WNK4: variants seen among roughly 807,000 people sequenced by gnomAD.
WNK4 encodes serine/threonine-protein kinase WNK4.
Under a neutral mutation model 116.2 loss-of-function variants are expected in WNK4, and 94 were observed. The observed-to-expected ratio is 0.81, with a 90% CI of 0.68 to 0.96. The LOEUF (loss-of-function observed/expected upper bound fraction) is 0.96. Ranked by LOEUF, WNK4 falls within the 40% of genes least tolerant of loss-of-function variation. WNK4 has a pLI of 0.00. For synonymous variants in WNK4, 655 were observed against 672.7 expected, an observed-to-expected ratio of 0.97 and a Z score of 0.41; for missense variants, 1,542 against 1,650.6, an observed-to-expected ratio of 0.93 and a Z score of 1.14.
At chr17:42,788,098 C>T (rs1168703228) in intron 8 of WNK4, 32 bp from the exon 9 acceptor site, 2 of 1,613,288 alleles carry the variant, frequency 1.2e-6, no homozygotes, top group Non-Finnish European at 1.7e-6. Flanking sequence ...AGTTATCTTC[C>T]CCTGACCTCA....
In WNK4 at chr17:42,795,931, G is replaced by A. The variant is rs2054665114; in HGVS notation, c.3329G>A (p.Trp1110Ter). The change falls in exon 16 of 19, where the codon TGG becomes TAG. Residue 1110 changes from tryptophan (W) to a stop codon, truncating the protein, a stop_gained. Transcript: ENST00000246914. LOFTEE classifies it high-confidence loss of function. ...CCCCTGAGCCATCCCAGCCCAGTGTGGATGAACTACTCCTACAGCAGCCTG... is the reference window on the plus strand; with the variant it reads ...CCCCTGAGCCATCCCAGCCCAGTGTAGATGAACTACTCCTACAGCAGCCTG... ...PQPLSHPSPV[W>*]MNYSYSSLCL... 6.2e-7 allele frequency: 1 copy of A among 1,612,708 alleles called. No individual in the cohort carries two copies. Among genetic ancestry groups the A allele is most frequent in the African/African-American group, 1.3e-5 (1 of 75,034 alleles).
Position 42,785,346 on chromosome 17 carries a change from ACGGCGAGAAGC to A in WNK4, c.1344_1354del (p.Glu449ProfsTer48), listed in dbSNP as rs1167859193. ...CACGTGGAACTAGCGGAGGAGGACG[ACGGCGAGAAGC>A]CGGGCCTCAAGCTCTGGCTGCGCAT... On this transcript the variant is annotated frameshift_variant, in exon 6 of 19. Coordinates refer to ENST00000246914, the MANE Select transcript of WNK4 (RefSeq NM_032387.5). LOFTEE classifies it high-confidence loss of function. 1 of 1,610,882 alleles carries A rather than the reference ACGGCGAGAAGC, an allele frequency of 6.2e-7. No individual in the cohort carries two copies. Among genetic ancestry groups the A allele is most frequent in the African/African-American group, 1.3e-5 (1 of 74,886 alleles).
At position 42,796,766 on chromosome 17, in the gene WNK4, T is replaced by G; in HGVS notation, c.*78T>G. On this transcript the variant is annotated 3_prime_UTR_variant, in exon 19 of 19. Transcript: ENST00000246914. ...TGTGTTCTCAGAATCTGATGCTTTC[T>G]GATCAACAAAACTGAGCAAGGAAGA... 1 of 1,614,146 alleles carries G rather than the reference T, an allele frequency of 6.2e-7. No homozygotes were observed.
In WNK4 at chr17:42,796,667, CT is replaced by C; in HGVS notation, c.3730-14del. On this transcript the variant is annotated intron_variant, in intron 18 of 18. Coordinates refer to ENST00000246914, the MANE Select transcript of WNK4 (RefSeq NM_032387.5). Reference sequence around the variant, plus strand: ...TCCCACCTTGGAGGTTTCTTCATCACTTTTTCTTTTCCCTCCAGTGAATTCA... The same window carrying C: ...TCCCACCTTGGAGGTTTCTTCATCACTTTTCTTTTCCCTCCAGTGAATTCA... The C allele has an allele frequency of 6.2e-7, 1 of 1,614,146 alleles. No individual in the cohort carries two copies. The highest frequency in any genetic ancestry group is 8.5e-7 in the Non-Finnish European group (1 of 1,179,992).
Position 42,782,456 on chromosome 17 carries a change from G to C in WNK4, c.619-302G>C, listed in dbSNP as rs2054494963. 6.6e-6 allele frequency among the ~76,000 whole-genome samples: 1 copy of C among 152,208 alleles called. No homozygotes were observed. Among genetic ancestry groups the C allele is most frequent in the Admixed American group, 6.5e-5 (1 of 15,286 alleles). ...CCCCCTCCCGCCCCATGGCCGGCCT[G>C]GGCAGCCACAAAGGCACTATTGAGC... On this transcript the variant is annotated intron_variant, in intron 1 of 18. Coordinates refer to ENST00000246914, the MANE Select transcript of WNK4 (RefSeq NM_032387.5). This position sits in a 1 kb window ranked among gnomAD's most constrained non-coding sequence, Gnocchi z 4.2.
At chr17:42,793,854 C>T (rs773644104) in intron 12 of WNK4, 125 bp downstream of exon 12, 43 of 1,161,106 alleles carry the variant, frequency 3.7e-5, no homozygotes, top group African/African-American at 4.8e-5. Context: ...AAAACAGTGG[C>T]GCTTTTTTTT....
intron 2 of WNK4, 96 bp downstream of exon 2, chr17:42,783,026 G>T: frequency 6.7e-7 from 1 of 1,501,034 alleles, no homozygotes; most frequent in Non-Finnish European, 9.0e-7. Flanking sequence ...CTAATATCCA[G>T]GTGTAAAACC....
At chr17:42,789,705 T>C (rs186194309) in intron 11 of WNK4, among the ~76,000 whole-genome samples, 24 of 145,032 alleles carry the variant, frequency 1.7e-4, no homozygotes, top group African/African-American at 6.3e-4. Flanking sequence ...AATAAATAAA[T>C]AAATAGAGAG....
intron 11 of WNK4, among the ~76,000 whole-genome samples, chr17:42,789,523 G>C (rs888322602): frequency 6.6e-6 from 1 of 152,008 alleles, no homozygotes; most frequent in Non-Finnish European, 1.5e-5. Context: ...AATTAGCTGG[G>C]TGTGGTGGCG....
Position 42,782,808 on chromosome 17 carries a change from G to A in WNK4, c.669G>A (p.Glu223=). The change falls in exon 2 of 19, where the codon GAG becomes GAA. Residue 223 remains glutamate, a synonymous_variant. Transcript: ENST00000246914. This position sits in a 1 kb window ranked among gnomAD's most constrained non-coding sequence, Gnocchi z 4.2. ...AERQRFSEEV[E]MLKGLQHPNI... ...GGCAGCGCTTCTCAGAGGAGGTGGA[G>A]ATGCTCAAGGGGCTGCAGCACCCCA... is the stretch of plus-strand genomic sequence containing the variant. 2 of 1,614,208 alleles carry A rather than the reference G, an allele frequency of 1.2e-6. No individual in the cohort carries two copies. Among genetic ancestry groups the A allele is most frequent in the East Asian group, 2.2e-5 (1 of 44,884 alleles).
Position 42,793,692 on chromosome 17 carries a change from G to A in WNK4, c.2258G>A (p.Gly753Asp). 5 of 1,614,078 alleles carry A rather than the reference G, an allele frequency of 3.1e-6. No individual in the cohort carries two copies. Among genetic ancestry groups the A allele is most frequent in the Non-Finnish European group, 4.2e-6 (5 of 1,179,990 alleles). Residue 753 changes from glycine (G) to aspartate (D), a missense_variant, in exon 12 of 19, where the codon GGC becomes GAC. Physicochemically the swap from Gly to Asp is moderately conservative, Grantham distance 94. This residue lies in a region of WNK4 where 808 missense variants were observed against 873.6 expected (regional missense o/e 0.92). Transcript: ENST00000246914. Reference protein sequence around the residue: ...RVETLLKRDTGPMEAAEDTLS... With the variant: ...RVETLLKRDTDPMEAAEDTLS... ...GAGACCCTGTTGAAGAGAGACACTG[G>A]CCCCATGGAGGCTGCTGAAGACACC... is the stretch of plus-strand genomic sequence containing the variant.
Position 42,781,004 on chromosome 17 carries a change from CAAAGA to C in WNK4, c.308_312del (p.Lys103ThrfsTer40). The C allele has an allele frequency of 6.2e-7, 1 of 1,610,346 alleles. No individual in the cohort carries two copies. Among genetic ancestry groups the C allele is most frequent in the Non-Finnish European group, 8.5e-7 (1 of 1,179,224 alleles). ...CCGCGAGGAGCCCACCGCCTAGCTC[CAAAGA>C]ACCCCCCGAGGGCACGTGGACCGAG... On this transcript the variant is annotated frameshift_variant, in exon 1 of 19. Transcript: ENST00000246914. LOFTEE classifies it high-confidence loss of function.
At position 42,784,553 on chromosome 17, in the gene WNK4, G is replaced by A. The variant is rs1256967515; in HGVS notation, c.1144G>A (p.Ala382Thr). 1.2e-6 allele frequency: 2 copies of A among 1,614,160 alleles called. No individual in the cohort carries two copies. The highest frequency in any genetic ancestry group is 2.2e-5 in the East Asian group (1 of 44,880). The change falls in exon 4 of 19, where the codon GCG becomes ACG. Residue 382 changes from alanine to threonine, a missense_variant. Physicochemically the swap from Ala to Thr is moderately conservative, Grantham distance 58 (BLOSUM62 0). This residue lies in a region of WNK4 where 808 missense variants were observed against 873.6 expected (regional missense o/e 0.92). Coordinates refer to ENST00000246914, the MANE Select transcript of WNK4 (RefSeq NM_032387.5). The surrounding 1 kb of genome is among the most constrained non-coding windows in gnomAD (Gnocchi z 4.4). ...EYPYSECQNA[A>T]QIYRKVTSGR... is the part of the protein sequence containing the mutation. The stretch of plus-strand genomic sequence containing the variant: ...CCCGTACTCCGAGTGCCAGAATGCC[G>A]CGCAAATCTACCGCAAGGTCACTTC...
At position 42,785,191 on chromosome 17, in the gene WNK4, G is replaced by A. The variant is rs745758006; in HGVS notation, c.1259+6G>A. 1 of 1,613,500 alleles carries A rather than the reference G, an allele frequency of 6.2e-7. No homozygotes were observed. Among genetic ancestry groups the A allele is most frequent in the South Asian group, 1.1e-5 (1 of 90,932 alleles). ...CGCACGGATAAGAACGAGAGGTGGG[G>A]GTGAAAGGGCAGAGCGTGGGTAGAA... is the stretch of plus-strand genomic sequence containing the variant. On this transcript the variant is annotated splice_donor_region_variant and intron_variant, in intron 5 of 18. Coordinates refer to ENST00000246914, the MANE Select transcript of WNK4 (RefSeq NM_032387.5).
At chr17:42,786,685 GC>G (rs1285579961) in intron 6 of WNK4, among the ~76,000 whole-genome samples, 1 of 152,196 alleles carries the variant, frequency 6.6e-6, no homozygotes, top group Non-Finnish European at 1.5e-5. Flanking sequence ...GAGCCACCGT[GC>G]CTGGCCGAGT....
chr17:42,783,579 TC>T, intron 2 of WNK4: 1 of 357,092 alleles, frequency 2.8e-6, no homozygotes, highest in Non-Finnish European at 5.3e-6. Flanking sequence ...CTCCATCCCT[TC>T]CCCCTTTCAC....
Position 42,795,320 on chromosome 17 carries a change from C to T in WNK4, c.2899C>T (p.Pro967Ser). 1.2e-6 allele frequency: 2 copies of T among 1,614,140 alleles called. No homozygotes were observed. Among genetic ancestry groups the T allele is most frequent in the African/African-American group, 1.3e-5 (1 of 75,048 alleles). The change falls in exon 14 of 19, where the codon CCT (proline) becomes TCT (serine). Residue 967 changes from proline (P) to serine (S), a missense_variant. Physicochemically the swap from Pro to Ser is moderately conservative, Grantham distance 74. Coordinates refer to ENST00000246914, the MANE Select transcript of WNK4 (RefSeq NM_032387.5). ...PSPLPSLPLP[P>S]PVAPGGQESP... ...TCCCCTCCCTAGCCTGCCCCTTCCC[C>T]CTCCCGTTGCTCCTGGTGGCCAGGA...
chr17:42,796,313 C>T lies in WNK4; in HGVS notation c.3622C>T (p.Pro1208Ser). Reference protein sequence around the residue: ...RRNSLQRSEPPGPGIMRRNSL... With the variant: ...RRNSLQRSEPSGPGIMRRNSL... Reference sequence around the variant, plus strand: ...CAACAGCCTACAGCGCTCTGAGCCCCCAGGCCCTGGTGAGACTGCAGTCAC... The same window carrying T: ...CAACAGCCTACAGCGCTCTGAGCCCTCAGGCCCTGGTGAGACTGCAGTCAC... Residue 1208 changes from proline (P) to serine (S), a missense_variant, in exon 17 of 19, where the codon CCA (proline) becomes TCA (serine). Physicochemically the swap from Pro to Ser is moderately conservative, Grantham distance 74. Around this residue, in one of 7 missense-constraint regions of WNK4, gnomAD observed 148 missense variants for 157.2 expected, o/e 0.94. Coordinates refer to ENST00000246914, the MANE Select transcript of WNK4 (RefSeq NM_032387.5). 6.2e-7 allele frequency: 1 copy of T among 1,612,126 alleles called. No homozygotes were observed. The highest frequency in any genetic ancestry group is 1.1e-5 in the South Asian group (1 of 90,830).
intron 5 of WNK4, 38 bp downstream of exon 5, chr17:42,785,223 C>A: frequency 6.2e-7 from 1 of 1,609,096 alleles, no homozygotes. Flanking sequence ...AGAATAGGGC[C>A]GCGGGCCGCG....
Sources: gnomAD v4.1 joint callset for allele counts (sites outside exome capture counted in the v4.1 genomes callset) on GRCh38, gnomAD v4.1.1 for gene constraint, gnomAD v4.1.1 regional missense constraint, Gnocchi (gnomAD v3.1) non-coding constraint, MANE v1.5 for transcripts, NCBI Gene and HGNC (gene_info 2026-07-23, HGNC 2026-07-21) for gene names.